The following ZP3 variants were observed in gnomAD, a reference collection of about 807,000 sequenced individuals.
ZP3 encodes the protein zona pellucida glycoprotein 3.
In ZP3, 21 loss-of-function variants were observed where a neutral mutation model predicts 35.6. The observed-to-expected ratio is 0.59, with a 90% CI of 0.42 to 0.85. The LOEUF (loss-of-function observed/expected upper bound fraction) is 0.85. Among genes scored for constraint, ZP3 ranks in the 40% least tolerant of loss-of-function variants. ZP3 has a pLI of 0.00. For synonymous variants in ZP3, 207 were observed against 214.5 expected (o/e 0.96, Z 0.31); for missense variants, 437 against 536.5 (o/e 0.81, Z 1.83).
At chr7:76,426,873 A>ACC (rs149019268) in intron 1 of ZP3, among the ~76,000 whole-genome samples, 19 of 30,828 alleles carry the variant, frequency 6.2e-4, no homozygotes, top group African/African-American at 3.5e-3. Flanking sequence ...TCTACCAAAC[A>ACC]CCACACACAC....
chr7:76,413,571 C>T (rs541936120), intron 1 of ZP3, among the ~76,000 whole-genome samples: 1 of 150,980 alleles, frequency 6.6e-6, no homozygotes, highest in African/African-American at 2.4e-5. Flanking sequence ...CCAGCCACCA[C>T]TTCCTGTGAA....
rs543456048 is a variant in ZP3, at chr7:76,400,518, G to T, written c.-67+2721G>T. ...CCACGTCCCAGTCGTCATCACAGAC[G>T]CTGCCCCAGGAGCCACCGTGCATGA... On this transcript the variant is annotated intron_variant, in intron 1 of 8. Transcript: ENST00000336517. 8 of 1,583,110 alleles carry T rather than the reference G, an allele frequency of 5.1e-6. No individual in the cohort carries two copies. Among genetic ancestry groups the T allele is most frequent in the African/African-American group, 1.4e-5 (1 of 73,958 alleles).
At position 76,402,691 on chromosome 7, in the gene ZP3, C is replaced by T. The variant is rs889327373; in HGVS notation, c.-67+4894C>T. ...TTTTTCTTTTTTGTTTTTCTTGAGA[C>T]GGAATTTCGCTCTTGTTGCCCAGGC... On this transcript the variant is annotated intron_variant, in intron 1 of 8. Transcript: ENST00000336517. Among the ~76,000 whole-genome samples, 14 of 152,044 alleles carry T rather than the reference C, an allele frequency of 9.2e-5. 1 individual carries two copies. In the South Asian group the frequency reaches 1.2e-3, roughly 13 times the overall value.
intron 5 of ZP3, 188 bp from the exon 6 acceptor site, chr7:76,440,062 G>C: frequency 1.1e-6 from 1 of 918,576 alleles, no homozygotes; most frequent in Non-Finnish European, 1.6e-6. Context: ...GGCCAGGTTG[G>C]TCTCGAACTC....
rs754783232 is a variant in ZP3 at position 76,433,520 on chromosome 7, G to T, written c.586G>T (p.Ala196Ser). 1 of 1,614,064 alleles carries T rather than the reference G, an allele frequency of 6.2e-7. No individual in the cohort carries two copies. The highest frequency in any genetic ancestry group is 1.1e-5 in the South Asian group (1 of 91,072). ...RSPTFHLGDA[A>S]HLQAEIHTGS... ...CCCCACCTTCCACCTGGGAGATGCA[G>T]CCCACCTCCAGGCAGAAATCCACAC... is the stretch of plus-strand genomic sequence containing the variant. The change falls in exon 4 of 8, where the codon GCC (alanine) becomes TCC (serine). Residue 196 changes from alanine to serine, a missense_variant. Physicochemically the swap from Ala to Ser is moderately conservative, Grantham distance 99. Transcript: ENST00000394857.
upstream of ZP3, among the ~76,000 whole-genome samples, chr7:76,421,225 C>T (rs1437608507): frequency 5.9e-5 from 9 of 151,708 alleles, no homozygotes; most frequent in East Asian, 5.8e-4. Flanking sequence ...TGAGCCACTG[C>T]GCCCCGCCAT....
intron 5 of ZP3, among the ~76,000 whole-genome samples, chr7:76,435,461 A>G (rs1245099682): frequency 1.3e-5 from 2 of 152,210 alleles, no homozygotes; most frequent in African/African-American, 4.8e-5. Context: ...AGCCTCAAGT[A>G]GCTTTTAAAC....
At chr7:76,424,198 G>A (rs36087395), upstream of ZP3, among the ~76,000 whole-genome samples, 14,945 of 152,194 alleles carry the variant, frequency 0.098, 819 homozygotes, top group Middle Eastern at 0.18. Flanking sequence ...CTCCCTTGCC[G>A]GGCTGCGAGC....
At chr7:76,415,348 G>A (rs1268373832) in intron 1 of ZP3, among the ~76,000 whole-genome samples, 1 of 57,854 alleles carries the variant, frequency 1.7e-5, no homozygotes, top group Non-Finnish European at 3.0e-5. Context: ...CCTGGCGATA[G>A]AGTGAGACTC....
intron 1 of ZP3, 114 bp from the exon 2 acceptor site, chr7:76,429,401 A>G: frequency 1.0e-6 from 1 of 972,164 alleles, no homozygotes; most frequent in Admixed American, 1.7e-5. Context: ...CCTGGCCTTG[A>G]CCCTGTGGTC....
chr7:76,418,550 CA>C (rs1203476650), intron 1 of ZP3, among the ~76,000 whole-genome samples: 338 of 30,038 alleles, frequency 0.011, no homozygotes, highest in African/African-American at 0.027. Flanking sequence ...GATTTCATCT[CA>C]AAAAAAAAAA....
At chr7:76,435,075 G>C (rs1251429218) in intron 5 of ZP3, among the ~76,000 whole-genome samples, 1 of 152,220 alleles carries the variant, frequency 6.6e-6, no homozygotes, top group Non-Finnish European at 1.5e-5. Flanking sequence ...TGCCTGGTGC[G>C]GTGGCTCGTG....
intron 5 of ZP3, among the ~76,000 whole-genome samples, chr7:76,437,470 C>CTTTTTTTTT (rs71521129): frequency 7.4e-6 from 1 of 134,878 alleles, no homozygotes; most frequent in Non-Finnish European, 1.6e-5. Context: ...ACACTCCCCT[C>CTTTTTTTTT]TTTTTTTTTT....
chr7:76,420,665 C>T (rs1050857872), upstream of ZP3, among the ~76,000 whole-genome samples: 6 of 152,230 alleles, frequency 3.9e-5, no homozygotes, highest in Non-Finnish European at 7.4e-5. Context: ...TTAACAGCAT[C>T]GTCTTCTGTC....
rs1019349337 is a variant in ZP3 at position 76,431,786 on chromosome 7, C to A, written c.432-1141C>A. Among the ~76,000 whole-genome samples the A allele has an allele frequency of 2.6e-5, 4 of 151,396 alleles. No individual in the cohort carries two copies. The East Asian group carries it at 7.8e-4, about 29-fold the overall frequency. ...TAGTGGCGGGTGCCTGTAGTCCCAG[C>A]TATTTGGGAGGCTGAGGCAGGAGAA... On this transcript the variant is annotated intron_variant, in intron 2 of 7. Transcript: ENST00000394857.
At chr7:76,405,296 TA>T (rs1804968752) in intron 1 of ZP3, among the ~76,000 whole-genome samples, 1 of 54,584 alleles carries the variant, frequency 1.8e-5, no homozygotes, top group African/African-American at 8.0e-5. Context: ...TATATATATA[TA>T]TATATATATA....
At chr7:76,409,706 G>A (rs1302500830) in intron 1 of ZP3, 3 of 152,592 alleles carry the variant, frequency 2.0e-5, no homozygotes, top group African/African-American at 7.2e-5. Flanking sequence ...AGGGCACCCA[G>A]GTGGAGGCGG....
intron 1 of ZP3, among the ~76,000 whole-genome samples, chr7:76,419,723 CTCTA>C (rs1482869104): frequency 2.0e-5 from 3 of 149,814 alleles, no homozygotes; most frequent in Admixed American, 1.3e-4. Context: ...CTCCCTCTCC[CTCTA>C]TCTCTTTCTT....
intron 1 of ZP3, chr7:76,398,672 A>G (rs1401208665): frequency 6.3e-7 from 1 of 1,583,972 alleles, no homozygotes; most frequent in Non-Finnish European, 8.7e-7. Context: ...AGGGTGTGAG[A>G]GACTCCTCTC....
Sources: allele counts gnomAD v4.1 joint callset (sites outside exome capture counted in the v4.1 genomes callset), GRCh38; gene constraint gnomAD v4.1.1; transcripts MANE v1.5; gene names NCBI Gene and HGNC (gene_info 2026-07-23, HGNC 2026-07-21).